Variants in PDE3B observed in about 807,000 individuals in gnomAD.
PDE3B encodes the protein cGMP-inhibited 3',5'-cyclic phosphodiesterase 3B.
Under a neutral mutation model 116.8 loss-of-function variants are expected in PDE3B, and 66 were observed. The ratio of observed to expected loss-of-function variants is 0.56; its 90% CI spans 0.46 to 0.69. The LOEUF is 0.69. Among genes scored for constraint, PDE3B ranks in the 30% least tolerant of loss-of-function variants. The probability of loss-of-function intolerance (pLI) is 0.00; values close to 1 mark genes in which losing one functional copy is unlikely to be tolerated. For missense variants in PDE3B, 1,384 were observed against 1,368.1 expected (o/e 1.01, Z -0.18); for synonymous variants, 595 against 533.6 (o/e 1.12, Z -1.59).
intron 1 of PDE3B, among the ~76,000 whole-genome samples, chr11:14,680,616 G>T (rs1854673278): frequency 6.6e-6 from 1 of 151,984 alleles, no homozygotes; most frequent in Non-Finnish European, 1.5e-5. Context: ...GTGTTTATTT[G>T]TATGTACACT....
intron 1 of PDE3B, among the ~76,000 whole-genome samples, chr11:14,701,675 C>G (rs1050646657): frequency 1.3e-5 from 2 of 151,608 alleles, no homozygotes; most frequent in African/African-American, 4.8e-5. Flanking sequence ...TATTATGCCT[C>G]TCTCCATTCT....
chr11:14,698,522 C>T (rs1855275379), intron 1 of PDE3B, among the ~76,000 whole-genome samples: 1 of 151,830 alleles, frequency 6.6e-6, no homozygotes, highest in Non-Finnish European at 1.5e-5. Flanking sequence ...GCTAAATTAT[C>T]ATTTTTATTT....
chr11:14,892,165 A>G, the PDE3B span: 3 of 1,610,664 alleles, frequency 1.9e-6, no homozygotes, highest in Non-Finnish European at 2.5e-6. Flanking sequence ...CGCGCCGCCG[A>G]GCGCCGCCGC....
the PDE3B span, among the ~76,000 whole-genome samples, chr11:14,880,986 T>C: frequency 6.6e-5 from 10 of 152,214 alleles, no homozygotes; most frequent in African/African-American, 1.9e-4. Context: ...AGAAAAGGCC[T>C]ATAATTGCAC....
At chr11:14,648,134 GC>G (rs1853465425) in intron 1 of PDE3B, among the ~76,000 whole-genome samples, 1 of 152,004 alleles carries the variant, frequency 6.6e-6, no homozygotes, top group Non-Finnish European at 1.5e-5. Context: ...ACATTTCTAT[GC>G]CATTTTAATT....
Position 14,774,775 on chromosome 11 carries a change from C to T in PDE3B, c.1029+2788C>T, listed in dbSNP as rs962653795. On this transcript the variant is annotated intron_variant, in intron 2 of 15. Coordinates refer to ENST00000282096, the MANE Select transcript of PDE3B (RefSeq NM_000922.4). ...ATGTCACTCTCTTGCTCATTTCTCTCGTTTCACCCAGTGTAAAAGTCTTTG... is the reference window on the plus strand; with the variant it reads ...ATGTCACTCTCTTGCTCATTTCTCTTGTTTCACCCAGTGTAAAAGTCTTTG... 6 of 152,196 alleles carry T rather than the reference C, an allele frequency of 3.9e-5. No homozygotes were observed. In the East Asian group the frequency reaches 5.8e-4, roughly 15 times the overall value. 9.4% of individuals were successfully genotyped at this position (152,196 alleles called of 1,614,324 possible). A position where few individuals can be genotyped will look rare whatever the true frequency, so the allele number is the denominator to read the frequency against.
chr11:14,681,834 C>A (rs574375088), intron 1 of PDE3B, among the ~76,000 whole-genome samples: 1 of 152,146 alleles, frequency 6.6e-6, no homozygotes, highest in South Asian at 2.1e-4. Flanking sequence ...GTACAGTTGA[C>A]CCTTGAATAA....
rs556598332 is a variant in PDE3B, at chr11:14,666,709, A to C, written c.978+21656A>C. Reference sequence around the variant, plus strand: ...TGCTCATCATCACTGGCCATCAGAGAAATGCAAATCAAAACCACAATGAGA... The same window carrying C: ...TGCTCATCATCACTGGCCATCAGAGCAATGCAAATCAAAACCACAATGAGA... On this transcript the variant is annotated intron_variant, in intron 1 of 15. Transcript: ENST00000282096. 5.9e-5 allele frequency among the ~76,000 whole-genome samples: 9 copies of C among 151,586 alleles called. No individual in the cohort carries two copies. In the South Asian group the frequency reaches 1.9e-3, roughly 31 times the overall value.
intron 5 of PDE3B, among the ~76,000 whole-genome samples, chr11:14,814,910 C>A (rs1157191929): frequency 1.3e-5 from 2 of 151,540 alleles, no homozygotes; most frequent in African/African-American, 4.9e-5. Context: ...TTGCAGTGAG[C>A]TGAGATCTGA....
chr11:14,730,665 G>A (rs1856432570), intron 1 of PDE3B, among the ~76,000 whole-genome samples: 1 of 152,144 alleles, frequency 6.6e-6, no homozygotes, highest in Non-Finnish European at 1.5e-5. Flanking sequence ...CATACTAATA[G>A]TGCTATTTGA....
chr11:14,877,544 C>T, the PDE3B span: 1 of 152,188 alleles, frequency 6.6e-6, no homozygotes, highest in African/African-American at 2.4e-5. Context: ...AAGAATGACA[C>T]AGTTCTTATG....
intron 1 of PDE3B, among the ~76,000 whole-genome samples, chr11:14,690,843 G>A (rs1855023583): frequency 6.6e-6 from 1 of 152,138 alleles, no homozygotes; most frequent in Non-Finnish European, 1.5e-5. Flanking sequence ...GTGGGAAGTG[G>A]AGGTTGTGTA....
chr11:14,653,560 G>A (rs962186543), intron 1 of PDE3B, among the ~76,000 whole-genome samples: 4 of 150,752 alleles, frequency 2.7e-5, no homozygotes, highest in East Asian at 1.9e-4. Context: ...GCAAGACTCC[G>A]TCTCAAAAAA....
intron 5 of PDE3B, among the ~76,000 whole-genome samples, chr11:14,809,692 G>T (rs749953399): frequency 6.6e-6 from 1 of 152,106 alleles, no homozygotes; most frequent in African/African-American, 2.4e-5. Flanking sequence ...AATGAGATTA[G>T]TGCTCTTATA....
At chr11:14,679,352 C>A (rs1854628493) in intron 1 of PDE3B, among the ~76,000 whole-genome samples, 1 of 151,814 alleles carries the variant, frequency 6.6e-6, no homozygotes, top group African/African-American at 2.4e-5. Context: ...GGGCCCACTC[C>A]CACTCTGTGG....
At chr11:14,817,184 A>G (rs1271238034) in intron 5 of PDE3B, among the ~76,000 whole-genome samples, 1 of 152,072 alleles carries the variant, frequency 6.6e-6, no homozygotes, top group Non-Finnish European at 1.5e-5. Context: ...AGCTATCGCA[A>G]GGACAGAAAA....
intron 4 of PDE3B, among the ~76,000 whole-genome samples, chr11:14,790,165 A>G (rs975314287): frequency 6.6e-6 from 1 of 151,998 alleles, no homozygotes; most frequent in South Asian, 2.1e-4. Context: ...TAGGTGGTTT[A>G]TTAATTTGAA....
intron 1 of PDE3B, among the ~76,000 whole-genome samples, chr11:14,658,645 G>A (rs1853792329): frequency 6.6e-6 from 1 of 152,166 alleles, no homozygotes; most frequent in South Asian, 2.1e-4. Flanking sequence ...ATGAGCCACC[G>A]CGCCAGATGT....
chr11:14,664,370 A>G (rs1339310632), intron 1 of PDE3B, among the ~76,000 whole-genome samples: 1 of 152,188 alleles, frequency 6.6e-6, no homozygotes, highest in Non-Finnish European at 1.5e-5. Context: ...GAAAAGCAAG[A>G]GCAAACACAT....
Sources: allele counts gnomAD v4.1 joint callset (sites outside exome capture counted in the v4.1 genomes callset), GRCh38; gene constraint gnomAD v4.1.1; transcripts MANE v1.5; gene names NCBI Gene and HGNC (gene_info 2026-07-23, HGNC 2026-07-21).